The following RGS13 variants were observed in gnomAD, a reference collection of about 807,000 sequenced individuals.
The protein encoded by RGS13 is regulator of G-protein signalling 13.
RGS13 carries 14 observed loss-of-function variants against 19.9 expected under a neutral mutation model. The observed-to-expected ratio is 0.70, with a 90% CI of 0.46 to 1.10. RGS13 has a LOEUF of 1.10. Ranked by LOEUF, RGS13 falls within the 50% of genes least tolerant of loss-of-function variation. The pLI, the probability that RGS13 is intolerant of heterozygous loss-of-function variation, is 0.00. For synonymous variants in RGS13, 60 were observed against 56.8 expected, an observed-to-expected ratio of 1.06 and a Z score of -0.25; for missense variants, 205 against 187.1, an observed-to-expected ratio of 1.10 and a Z score of -0.56.
In RGS13 at chr1:192,651,281, T is replaced by C. The variant is rs150449674; in HGVS notation, c.127+3294T>C. ...GAACAGTGACCACTAGACATGGCAA[T>C]ATGGAAGTCAACAGTGCCTCAACAA... On this transcript the variant is annotated intron_variant, in intron 5 of 6. Coordinates refer to ENST00000391995, the MANE Select transcript of RGS13 (RefSeq NM_002927.5). Among the ~76,000 whole-genome samples, 108 of 152,084 alleles carry C rather than the reference T, an allele frequency of 7.1e-4. No homozygotes were observed. In the Middle Eastern group the frequency reaches 0.027, roughly 38 times the overall value.
chr1:192,657,082 A>G (rs1270998668), intron 5 of RGS13, among the ~76,000 whole-genome samples: 1 of 152,020 alleles, frequency 6.6e-6, no homozygotes, highest in Non-Finnish European at 1.5e-5. Flanking sequence ...GATTGTGGTG[A>G]TGGTTTCTTG....
At chr1:192,649,059 C>T (rs1053737181) in intron 5 of RGS13, among the ~76,000 whole-genome samples, 1 of 152,096 alleles carries the variant, frequency 6.6e-6, no homozygotes, top group Non-Finnish European at 1.5e-5. Context: ...TGCTTCATCC[C>T]TAGGGCTGGA....
chr1:192,638,656 C>T (rs1485132510), intron 3 of RGS13, among the ~76,000 whole-genome samples: 2 of 152,212 alleles, frequency 1.3e-5, no homozygotes, highest in African/African-American at 2.4e-5. Flanking sequence ...GAACAGCGTC[C>T]AGTCTCCAGT....
chr1:192,651,062 A>G (rs1003638610), intron 5 of RGS13, among the ~76,000 whole-genome samples: 1 of 152,012 alleles, frequency 6.6e-6, no homozygotes, highest in African/African-American at 2.4e-5. Flanking sequence ...ACACACCCAG[A>G]GATGAAACTT....
chr1:192,654,037 C>T (rs919560493), intron 5 of RGS13, among the ~76,000 whole-genome samples: 1 of 151,564 alleles, frequency 6.6e-6, no homozygotes, highest in Non-Finnish European at 1.5e-5. Flanking sequence ...ACCAACATGG[C>T]GCATGTATAC....
chr1:192,654,562 C>A (rs531033473), intron 5 of RGS13, among the ~76,000 whole-genome samples: 3 of 151,904 alleles, frequency 2.0e-5, no homozygotes, highest in African/African-American at 7.3e-5. Context: ...TACATTATCC[C>A]CAGTGGTACA....
chr1:192,654,863 A>C (rs971831065), intron 5 of RGS13, among the ~76,000 whole-genome samples: 1 of 152,012 alleles, frequency 6.6e-6, no homozygotes, highest in African/African-American at 2.4e-5. Context: ...TCACTTTTTA[A>C]GGGAAAAGTA....
chr1:192,641,228 GAAAGAA>G (rs1558049091), intron 3 of RGS13, among the ~76,000 whole-genome samples: 3 of 29,434 alleles, frequency 1.0e-4, no homozygotes, highest in African/African-American at 1.2e-4. Context: ...AAGAGAGAAA[GAAAGAA>G]AGAAAGAAAG....
chr1:192,647,818 A>G lies in RGS13; in HGVS notation c.66-108A>G, dbSNP rs544342600. 2.7e-4 allele frequency: 148 copies of G among 551,868 alleles called. 1 individual carries two copies. In the South Asian group the frequency reaches 4.9e-3, roughly 18 times the overall value. 34.2% of individuals were successfully genotyped at this position (551,868 alleles called of 1,614,324 possible). A position where few individuals can be genotyped will look rare whatever the true frequency, so the allele number is the denominator to read the frequency against. On this transcript the variant is annotated intron_variant, in intron 4 of 6. Transcript: ENST00000391995. ...TCCAACCAAAGCCACACACAAATGGAATGTAAATATATTTTGGTGTCATTT... is the reference window on the plus strand; with the variant it reads ...TCCAACCAAAGCCACACACAAATGGGATGTAAATATATTTTGGTGTCATTT...
rs1253639986 is a variant in RGS13 at position 192,636,272 on chromosome 1, G to A, written c.-161G>A. 6.6e-6 allele frequency: 1 copy of A among 152,050 alleles called. No individual in the cohort carries two copies. The highest frequency in any genetic ancestry group is 1.5e-5 in the Non-Finnish European group (1 of 67,956). The allele number at this position is 152,050 out of a possible 1,614,324, so 9.4% of individuals were successfully genotyped here. Reference sequence around the variant, plus strand: ...CTGATTTCAAACGGATCATAACAAAGAGGAGATCAAATTTAGCATGGTGGA... The same window carrying A: ...CTGATTTCAAACGGATCATAACAAAAAGGAGATCAAATTTAGCATGGTGGA... On this transcript the variant is annotated 5_prime_UTR_variant, in exon 1 of 7. Transcript: ENST00000391995.
At chr1:192,638,917 T>C (rs1230326426) in intron 3 of RGS13, among the ~76,000 whole-genome samples, 1 of 152,138 alleles carries the variant, frequency 6.6e-6, no homozygotes, top group Non-Finnish European at 1.5e-5. Flanking sequence ...TTATATGTAA[T>C]CATCAAATAA....
chr1:192,649,173 A>G (rs1470029320), intron 5 of RGS13, among the ~76,000 whole-genome samples: 4 of 152,158 alleles, frequency 2.6e-5, no homozygotes, highest in South Asian at 2.1e-4. Flanking sequence ...TGCAATCGCC[A>G]CTGGCTTTCA....
rs1387500354 is a variant in RGS13, at chr1:192,641,201, AAG to A, written c.-5+2999_-5+3000del. Among the ~76,000 whole-genome samples the A allele has an allele frequency of 9.5e-3, 762 of 80,042 alleles. 16 individuals carry two copies. Among genetic ancestry groups the A allele is most frequent in the African/African-American group, 0.025 (699 of 28,496 alleles). The allele number at this position is 80,042 out of a possible 152,430, so 52.5% of individuals were successfully genotyped here. Reference sequence around the variant, plus strand: ...AAGAAAAGAAAGAAAAAAAAGAAAAAAGGAAAGAAAGAAAGAAAGAGAGAAAG... The same window carrying A: ...AAGAAAAGAAAGAAAAAAAAGAAAAAGAAAGAAAGAAAGAAAGAGAGAAAG... On this transcript the variant is annotated intron_variant, in intron 3 of 6. Coordinates refer to ENST00000391995, the MANE Select transcript of RGS13 (RefSeq NM_002927.5).
chr1:192,657,296 T>A (rs1663459464), intron 5 of RGS13, among the ~76,000 whole-genome samples: 1 of 124,724 alleles, frequency 8.0e-6, no homozygotes, highest in Admixed American at 7.9e-5. Context: ...TCTAGTCTAG[T>A]CTAGTCAAAA....
At chr1:192,656,583 C>A (rs1663448895) in intron 5 of RGS13, among the ~76,000 whole-genome samples, 1 of 152,004 alleles carries the variant, frequency 6.6e-6, no homozygotes, top group South Asian at 2.1e-4. Context: ...TAATCTATAT[C>A]ATTTTCTATG....
At chr1:192,656,189 C>G (rs1663434433) in intron 5 of RGS13, among the ~76,000 whole-genome samples, 1 of 152,054 alleles carries the variant, frequency 6.6e-6, no homozygotes, top group Non-Finnish European at 1.5e-5. Flanking sequence ...CTCATCCACT[C>G]AACCCATCCA....
intron 1 of RGS13, among the ~76,000 whole-genome samples, chr1:192,637,148 A>G (rs1663030577): frequency 6.6e-6 from 1 of 151,928 alleles, no homozygotes; most frequent in African/African-American, 2.4e-5. Context: ...TATCGGTGAA[A>G]TGTATTTCTT....
intron 6 of RGS13, 155 bp from the exon 7 acceptor site, chr1:192,659,183 T>A: frequency 2.1e-6 from 1 of 483,856 alleles, no homozygotes; most frequent in Non-Finnish European, 3.6e-6. Context: ...AAATGTTTAT[T>A]TTTTATATAT....
In RGS13 at chr1:192,659,493, G is replaced by C. The variant is rs16834603; in HGVS notation, c.450G>C (p.Leu150Phe). ...FLKSEMYQKLLKTMQSNNSF is the reference protein window; with the variant it reads ...FLKSEMYQKLFKTMQSNNSF The stretch of plus-strand genomic sequence containing the variant: ...AGTCAGAAATGTACCAAAAACTTTT[G>C]AAAACTATGCAGTCCAACAACAGTT... The change falls in exon 7 of 7, where the codon TTG becomes TTC. Residue 150 changes from leucine (L) to phenylalanine (F), a missense_variant. Transcript: ENST00000391995. The C allele has an allele frequency of 7.0e-3, 11,361 of 1,611,848 alleles. 743 individuals carry two copies. The African/African-American group carries it at 0.14, about 19-fold the overall frequency.
Sources: gnomAD v4.1 joint callset for allele counts (sites outside exome capture counted in the v4.1 genomes callset) on GRCh38, gnomAD v4.1.1 for gene constraint, MANE v1.5 for transcripts, NCBI Gene and HGNC (gene_info 2026-07-23, HGNC 2026-07-21) for gene names.